FRY: variants seen among roughly 807,000 people sequenced by gnomAD.
FRY encodes protein furry homolog.
FRY carries 128 observed loss-of-function variants against 348.4 expected under a neutral mutation model. That is an observed-to-expected ratio of 0.37 (90% CI 0.32 to 0.43). FRY has a LOEUF of 0.43. Ranked by LOEUF, FRY falls within the 20% of genes least tolerant of loss-of-function variation. The pLI is 1.00. For missense variants in FRY, 2,736 were observed against 3,695.2 expected (o/e 0.74, Z 6.73); for synonymous variants, 1,370 against 1,374.7 (o/e 1.00, Z 0.08).
At chr13:32,070,514 T>C (rs1874576916) in intron 1 of FRY, among the ~76,000 whole-genome samples, 2 of 152,082 alleles carry the variant, frequency 1.3e-5, no homozygotes, top group East Asian at 1.9e-4. Flanking sequence ...AAATGTCTTC[T>C]TTTGAGACGT....
intron 55 of FRY, among the ~76,000 whole-genome samples, chr13:32,273,050 A>G (rs1315653036): frequency 6.6e-6 from 1 of 151,392 alleles, no homozygotes; most frequent in Non-Finnish European, 1.5e-5. Context: ...AGTGAATCAG[A>G]TTCTTCTTAA....
At position 32,174,040 on chromosome 13, in the gene FRY, T is replaced by G. The variant is rs887785588; in HGVS notation, c.2334+491T>G. ...GGAGAAGGAAGCCAGTTATTAAGCA[T>G]GATCAATGCCTGCTAACACCCCACA... On this transcript the variant is annotated intron_variant, in intron 19 of 60. Transcript: ENST00000542859. Among the ~76,000 whole-genome samples the G allele has an allele frequency of 7.9e-5, 12 of 152,348 alleles. No homozygotes were observed. In the East Asian group the frequency reaches 1.9e-3, roughly 24 times the overall value.
At chr13:32,142,603 G>A (rs1386492971) in intron 11 of FRY, among the ~76,000 whole-genome samples, 1 of 152,052 alleles carries the variant, frequency 6.6e-6, no homozygotes, top group Non-Finnish European at 1.5e-5. Context: ...AAGCACATCT[G>A]AAATACCAAA....
At chr13:32,043,164 C>G (rs1240101867) in intron 1 of FRY, among the ~76,000 whole-genome samples, 2 of 152,146 alleles carry the variant, frequency 1.3e-5, no homozygotes, top group Non-Finnish European at 2.9e-5. Flanking sequence ...AATGGGTTAT[C>G]AAACCATCGG....
At chr13:32,143,120 C>T (rs747304973) in intron 11 of FRY, among the ~76,000 whole-genome samples, 7 of 152,108 alleles carry the variant, frequency 4.6e-5, no homozygotes, top group Non-Finnish European at 7.4e-5. Flanking sequence ...TACAAGGGAG[C>T]CAGGTCACAA....
At chr13:32,065,207 T>A (rs1178293413) in intron 1 of FRY, among the ~76,000 whole-genome samples, 1 of 152,170 alleles carries the variant, frequency 6.6e-6, no homozygotes, top group Non-Finnish European at 1.5e-5. Flanking sequence ...GGAGAAAAAA[T>A]TAGGATAATA....
chr13:32,250,761 G>A (rs1887035762), intron 49 of FRY, among the ~76,000 whole-genome samples: 1 of 152,186 alleles, frequency 6.6e-6, no homozygotes, highest in African/African-American at 2.4e-5. Flanking sequence ...AAAGGTTAGG[G>A]GAATGGAACA....
intron 29 of FRY, among the ~76,000 whole-genome samples, chr13:32,195,511 T>C (rs1883622400): frequency 6.6e-6 from 1 of 152,220 alleles, no homozygotes; most frequent in Admixed American, 6.5e-5. Context: ...CTTCTTTCTT[T>C]GACAAAAATA....
intron 51 of FRY, among the ~76,000 whole-genome samples, chr13:32,258,865 A>G (rs1463664719): frequency 6.6e-6 from 1 of 152,176 alleles, no homozygotes; most frequent in East Asian, 1.9e-4. Context: ...ATCTACGTAT[A>G]TCAGACTTAC....
chr13:32,131,370 G>A (rs911996111), intron 7 of FRY, among the ~76,000 whole-genome samples: 8 of 152,144 alleles, frequency 5.3e-5, no homozygotes, highest in Middle Eastern at 3.2e-3. Context: ...TGAGGAAATG[G>A]GGTTTTTTGT....
intron 35 of FRY, among the ~76,000 whole-genome samples, chr13:32,217,177 G>A (rs958638159): frequency 1.3e-5 from 2 of 152,182 alleles, no homozygotes; most frequent in Admixed American, 6.5e-5. Flanking sequence ...AATACCCGGT[G>A]AGTAATGTAG....
chr13:32,136,048 A>AAAAC (rs3067762), intron 10 of FRY, among the ~76,000 whole-genome samples: 11 of 152,034 alleles, frequency 7.2e-5, no homozygotes, highest in African/African-American at 2.7e-4. Flanking sequence ...TTAAAAAAAA[A>AAAAC]CGACTAATGA....
At position 32,267,304 on chromosome 13, in the gene FRY, A is replaced by G; in HGVS notation, c.8081A>G (p.Asp2694Gly). Residue 2694 changes from aspartate to glycine, a missense_variant, in exon 55 of 61, where the codon GAC becomes GGC. Around this residue, in one of 9 missense-constraint regions of FRY, gnomAD observed 789 missense variants for 996.2 expected, o/e 0.79. Coordinates refer to ENST00000542859, the MANE Select transcript of FRY (RefSeq NM_023037.3). The stretch of plus-strand genomic sequence containing the variant: ...AGCCACATCAACCAGCTTATGTGTG[A>G]CTCAGATGGCTCCTGTGCTGTGTAT... ...WRSHINQLMC[D>G]SDGSCAVYTF... 6.2e-7 allele frequency: 1 copy of G among 1,614,096 alleles called. No homozygotes were observed. Among genetic ancestry groups the G allele is most frequent in the South Asian group, 1.1e-5 (1 of 91,078 alleles).
chr13:32,127,080 T>C (rs1879066800), intron 7 of FRY, among the ~76,000 whole-genome samples: 1 of 152,192 alleles, frequency 6.6e-6, no homozygotes, highest in Admixed American at 6.5e-5. Context: ...TCACCCATAA[T>C]ATTGACTTTT....
At chr13:32,217,838 T>C (rs1885084700) in intron 35 of FRY, among the ~76,000 whole-genome samples, 1 of 152,198 alleles carries the variant, frequency 6.6e-6, no homozygotes. Context: ...ATTTTCTTTG[T>C]TGTTGTTGTT....
intron 46 of FRY, among the ~76,000 whole-genome samples, chr13:32,240,203 TATC>T (rs1180549374): frequency 6.6e-6 from 1 of 152,240 alleles, no homozygotes; most frequent in African/African-American, 2.4e-5. Context: ...ATGTAGATAA[TATC>T]ATACAGATCT....
chr13:32,162,116 A>C (rs978282247), intron 17 of FRY, among the ~76,000 whole-genome samples: 1 of 152,224 alleles, frequency 6.6e-6, no homozygotes, highest in Non-Finnish European at 1.5e-5. Flanking sequence ...AATAAGACTG[A>C]AGAGGTAGAT....
chr13:32,053,352 A>T (rs1593562753), intron 1 of FRY, among the ~76,000 whole-genome samples: 1 of 151,950 alleles, frequency 6.6e-6, no homozygotes, highest in Non-Finnish European at 1.5e-5. Context: ...GACTTCTGAC[A>T]CTCCTCAGCT....
At chr13:32,117,610 G>A in intron 4 of FRY, 137 bp downstream of exon 4, 1 of 850,834 alleles carries the variant, frequency 1.2e-6, no homozygotes, top group Non-Finnish European at 1.9e-6. Context: ...CAGGGGCCCT[G>A]TGTCTGTAGC....
Sources: gnomAD v4.1 joint callset for allele counts (sites outside exome capture counted in the v4.1 genomes callset) on GRCh38, gnomAD v4.1.1 for gene constraint, gnomAD v4.1.1 regional missense constraint, MANE v1.5 for transcripts, NCBI Gene and HGNC (gene_info 2026-07-23, HGNC 2026-07-21) for gene names.